ASL: variants seen among roughly 807,000 people sequenced by gnomAD.
ASL encodes the protein argininosuccinate lyase, also known as argininosuccinase.
Under a neutral mutation model 69.1 loss-of-function variants are expected in ASL, and 51 were observed. The ratio of observed to expected loss-of-function variants is 0.74; its 90% CI spans 0.59 to 0.93. The LOEUF (loss-of-function observed/expected upper bound fraction) is 0.93. ASL is among the 40% of genes least tolerant of loss of function. ASL has a pLI of 0.00. For synonymous variants in ASL, 241 were observed against 247.6 expected (o/e 0.97, Z 0.25); for missense variants, 540 against 623.9 (o/e 0.87, Z 1.43).
At chr7:66,082,590 C>T (rs1786539719) in intron 4 of ASL, 139 bp downstream of exon 4, 1 of 1,056,028 alleles carries the variant, frequency 9.5e-7, no homozygotes, top group Non-Finnish European at 1.4e-6. Flanking sequence ...GCCAGGCACC[C>T]TGGCTCATGC....
Position 66,082,556 on chromosome 7 carries a change from A to G in ASL, c.291+105A>G, listed in dbSNP as rs565578318. 1.2e-5 allele frequency: 16 copies of G among 1,301,656 alleles called. No individual in the cohort carries two copies. In the South Asian group the frequency reaches 1.9e-4, roughly 16 times the overall value. 80.6% of individuals were successfully genotyped at this position (1,301,656 alleles called of 1,614,324 possible). On this transcript the variant is annotated intron_variant, in intron 4 of 16. Transcript: ENST00000304874. ...TCTGTTTACTTCGCCATTGGCAGAC[A>G]GCATGTGAGACCTCAGGACATGAGC...
chr7:66,087,913 G>A, intron 10 of ASL, 122 bp downstream of exon 10: 1 of 1,304,484 alleles, frequency 7.7e-7, no homozygotes, highest in Non-Finnish European at 1.1e-6. Context: ...GTACACTGAA[G>A]TATAAACCTT....
intron 2 of ASL, among the ~76,000 whole-genome samples, chr7:66,077,546 T>A (rs1786382659): frequency 6.6e-6 from 1 of 152,072 alleles, no homozygotes; most frequent in Non-Finnish European, 1.5e-5. Context: ...CTGGCCAACA[T>A]GGTGAAACCC....
rs769683525 is a variant in ASL, at chr7:66,087,726, C to A, written c.656-3C>A. 7.4e-6 allele frequency: 12 copies of A among 1,614,124 alleles called. No homozygotes were observed. The highest frequency in any genetic ancestry group is 1.0e-5 in the Non-Finnish European group (12 of 1,180,010). ...TTAGCCCTGCTTCCTCCCACCCCCCCAGAACTCAACTTTGGGGCCATCACT... is the reference window on the plus strand; with the variant it reads ...TTAGCCCTGCTTCCTCCCACCCCCCAAGAACTCAACTTTGGGGCCATCACT... On this transcript the variant is annotated splice_region_variant and splice_polypyrimidine_tract_variant and intron_variant, in intron 9 of 16. Coordinates refer to ENST00000304874, the MANE Select transcript of ASL (RefSeq NM_000048.4).
intron 6 of ASL, among the ~76,000 whole-genome samples, chr7:66,083,691 AAAG>A (rs1478262000): frequency 6.6e-6 from 1 of 151,870 alleles, no homozygotes; most frequent in Non-Finnish European, 1.5e-5. Context: ...TCTCAAAAAA[AAAG>A]AAAAAAAAAA....
Position 66,089,664 on chromosome 7 carries a change from A to C in ASL, c.1031A>C (p.Gln344Pro). 1 of 1,613,924 alleles carries C rather than the reference A, an allele frequency of 6.2e-7. No individual in the cohort carries two copies. ...EVSDTMSAVL[Q>P]VATGVISTLQ... ...TCAGACACTATGAGTGCCGTGCTCC[A>C]GGTGGCCACTGGCGTCATCTCTACG... is the stretch of plus-strand genomic sequence containing the variant. Residue 344 changes from glutamine (Q) to proline (P), a missense_variant, in exon 14 of 17, where the codon CAG becomes CCG. By Grantham distance (76) the Gln-to-Pro change is moderately conservative. Coordinates refer to ENST00000304874, the MANE Select transcript of ASL (RefSeq NM_000048.4).
Position 66,086,776 on chromosome 7 carries a change from G to A in ASL, c.557G>A (p.Arg186Gln), listed in dbSNP as rs752397242. Residue 186 changes from arginine to glutamine, a missense_variant, in exon 8 of 17, where the codon CGG becomes CAG. By Grantham distance (43) the Arg-to-Gln change is conservative. Coordinates refer to ENST00000304874, the MANE Select transcript of ASL (RefSeq NM_000048.4). ...HAVALTRDSE[R>Q]LLEVRKRINV... ...GTGGCACTGACCCGAGACTCTGAGC[G>A]GCTGCTGGAGGTGCGGAAGCGGATC... 37 of 1,597,948 alleles carry A rather than the reference G, an allele frequency of 2.3e-5. No individual in the cohort carries two copies. The highest frequency in any genetic ancestry group is 2.7e-5 in the African/African-American group (2 of 74,704).
Position 66,086,629 on chromosome 7 carries a change from C to T in ASL, c.491C>T (p.Ala164Val), listed in dbSNP as rs1312766790. The change falls in exon 7 of 17, where the codon GCC (alanine) becomes GTC (valine). Residue 164 changes from alanine (A) to valine (V), a missense_variant. By Grantham distance (64) the Ala-to-Val change is moderately conservative (BLOSUM62 0). Transcript: ENST00000304874. ...CCGGGGTACACCCATTTGCAGAGGG[C>T]CCAGCCCATCCGCTGGAGCCACTGG... is the stretch of plus-strand genomic sequence containing the variant. ...LFPGYTHLQRAQPIRWSHWIL... is the reference protein window; with the variant it reads ...LFPGYTHLQRVQPIRWSHWIL... 6.2e-7 allele frequency: 1 copy of T among 1,613,856 alleles called. No homozygotes were observed. Among genetic ancestry groups the T allele is most frequent in the Admixed American group, 1.7e-5 (1 of 60,008 alleles).
chr7:66,082,271 C>A, intron 3 of ASL, 97 bp from the exon 4 acceptor site: 1 of 1,310,168 alleles, frequency 7.6e-7, no homozygotes, highest in Non-Finnish European at 1.1e-6. Flanking sequence ...TGGGCAGGGA[C>A]AGTCAGTCAC....
chr7:66,093,024 C>A lies in ASL; in HGVS notation c.*112C>A. ...GGCTTTCGGGGCTGGCCAGTGGGGA[C>A]AGTCAGGGACTGGAGAGGCAGGGCA... On this transcript the variant is annotated 3_prime_UTR_variant, in exon 17 of 17. Coordinates refer to ENST00000304874, the MANE Select transcript of ASL (RefSeq NM_000048.4). 1 of 1,500,956 alleles carries A rather than the reference C, an allele frequency of 6.7e-7. No homozygotes were observed. The highest frequency in any genetic ancestry group is 1.4e-5 in the African/African-American group (1 of 72,406). The allele number at this position is 1,500,956 out of a possible 1,614,324, so 93.0% of individuals were successfully genotyped here.
Position 66,092,055 on chromosome 7 carries a change from C to T in ASL, c.1112C>T (p.Thr371Ile). 1 of 1,613,380 alleles carries T rather than the reference C, an allele frequency of 6.2e-7. No homozygotes were observed. Among genetic ancestry groups the T allele is most frequent in the Non-Finnish European group, 8.5e-7 (1 of 1,180,038 alleles). Residue 371 changes from threonine (T) to isoleucine (I), a missense_variant, in exon 15 of 17, where the codon ACT (threonine) becomes ATT (isoleucine). Coordinates refer to ENST00000304874, the MANE Select transcript of ASL (RefSeq NM_000048.4). Reference protein sequence around the residue: ...GQALSPDMLATDLAYYLVRKG... With the variant: ...GQALSPDMLAIDLAYYLVRKG... ...GCTCTCAGCCCCGACATGCTGGCCA[C>T]TGACCTTGCCTATTACCTGGTCCGC...
At position 66,092,821 on chromosome 7, in the gene ASL, A is replaced by G. The variant is rs1409593082; in HGVS notation, c.1304A>G (p.Glu435Gly). 6.2e-7 allele frequency: 1 copy of G among 1,613,658 alleles called. No homozygotes were observed. The change falls in exon 17 of 17, where the codon GAG (glutamate) becomes GGG (glycine). Residue 435 changes from glutamate to glycine, a missense_variant. Physicochemically the swap from Glu to Gly is moderately conservative, Grantham distance 98. Transcript: ENST00000304874. ...GTGTGGGACTACGGGCACAGTGTGG[A>G]GCAGTATGGTGCCCTGGGCGGCACT... Reference protein sequence around the residue: ...ICVWDYGHSVEQYGALGGTAR... With the variant: ...ICVWDYGHSVGQYGALGGTAR...
chr7:66,082,016 GC>G lies in ASL; in HGVS notation c.207+23del, dbSNP rs1283538176. Reference sequence around the variant, plus strand: ...AGACAAGGTACTTGCCGTGGCCCAAGCCCCACCCAAGGCCCCTTCCCTGTGG... The same window carrying G: ...AGACAAGGTACTTGCCGTGGCCCAAGCCCACCCAAGGCCCCTTCCCTGTGG... On this transcript the variant is annotated intron_variant, in intron 3 of 16. Transcript: ENST00000304874. 6.3e-7 allele frequency: 1 copy of G among 1,585,488 alleles called. No individual in the cohort carries two copies. Among genetic ancestry groups the G allele is most frequent in the Admixed American group, 1.8e-5 (1 of 54,908 alleles).
At chr7:66,087,456 T>C in intron 9 of ASL, 70 bp downstream of exon 9, 1 of 1,562,326 alleles carries the variant, frequency 6.4e-7, no homozygotes, top group Non-Finnish European at 8.7e-7. Flanking sequence ...CAGACACACC[T>C]GAAACCAGAG....
At chr7:66,089,487 T>G in intron 13 of ASL, 125 bp from the exon 14 acceptor site, 1 of 1,414,728 alleles carries the variant, frequency 7.1e-7, no homozygotes, top group Non-Finnish European at 9.8e-7. Flanking sequence ...GCCCTTCCTT[T>G]GTTGGGGTAT....
Position 66,089,086 on chromosome 7 carries a change from C to A in ASL, c.834-5C>A, listed in dbSNP as rs373749562. On this transcript the variant is annotated splice_polypyrimidine_tract_variant and splice_region_variant and intron_variant, in intron 11 of 16. Coordinates refer to ENST00000304874, the MANE Select transcript of ASL (RefSeq NM_000048.4). ...CCCCTTCAGCGCCAGCACCTCTGTCCCCAGCACGGGAAGCAGCCTGATGCC... is the reference window on the plus strand; with the variant it reads ...CCCCTTCAGCGCCAGCACCTCTGTCACCAGCACGGGAAGCAGCCTGATGCC... 6 of 1,613,772 alleles carry A rather than the reference C, an allele frequency of 3.7e-6. No individual in the cohort carries two copies. The African/African-American group carries it at 6.7e-5, about 18-fold the overall frequency.
chr7:66,084,970 C>T (rs1424590082), intron 6 of ASL, among the ~76,000 whole-genome samples: 3 of 151,972 alleles, frequency 2.0e-5, no homozygotes, highest in Non-Finnish European at 4.4e-5. Context: ...GTGGCTCAGG[C>T]TGGTCTCAAA....
intron 2 of ASL, among the ~76,000 whole-genome samples, chr7:66,079,101 T>C (rs1331593404): frequency 5.3e-5 from 8 of 152,036 alleles, no homozygotes. Context: ...GTGTTTTCAG[T>C]AGAGACGGAG....
chr7:66,075,910 G>C lies in ASL; in HGVS notation c.-44+54G>C. On this transcript the variant is annotated intron_variant, in intron 1 of 16. Coordinates refer to ENST00000304874, the MANE Select transcript of ASL (RefSeq NM_000048.4). ...ACGGGCGTGGAGGACGCCGAGCACC[G>C]TGGCGCGCGCTCACGTCCGCGTCCC... The C allele has an allele frequency of 3.8e-6, 3 of 783,564 alleles. No homozygotes were observed. In the South Asian group the frequency reaches 5.2e-5, roughly 13 times the overall value. 48.5% of individuals were successfully genotyped at this position (783,564 alleles called of 1,614,324 possible).
Sources: allele counts gnomAD v4.1 joint callset (sites outside exome capture counted in the v4.1 genomes callset), GRCh38; gene constraint gnomAD v4.1.1; transcripts MANE v1.5; gene names NCBI Gene and HGNC (gene_info 2026-07-23, HGNC 2026-07-21).